Variants in KRT82 observed in about 807,000 individuals in gnomAD.
KRT82 encodes keratin, type II cuticular Hb2.
Under a neutral mutation model 48.0 loss-of-function variants are expected in KRT82, and 44 were observed. The observed-to-expected ratio is 0.92, with a 90% confidence interval of 0.72 to 1.18. The LOEUF (loss-of-function observed/expected upper bound fraction) is 1.18. Ranked by LOEUF, KRT82 falls within the 50% of genes most tolerant of loss-of-function variation. KRT82 has a pLI of 0.00. For missense variants in KRT82, 701 were observed against 671.4 expected (o/e 1.04, Z -0.49); for synonymous variants, 297 against 278.3 (o/e 1.07, Z -0.67).
rs916816791 is a variant in KRT82 at position 52,401,429 on chromosome 12, C to A, written c.621-80G>T. On this transcript the variant is annotated intron_variant, in intron 2 of 8. Coordinates refer to ENST00000257974, the MANE Select transcript of KRT82 (RefSeq NM_033033.4). ...GATCTTGGCATCAGGCCTTTGGGGGCAACTCTGCCTGTCACTGACTGAATG... is the reference window on the plus strand; with the variant it reads ...GATCTTGGCATCAGGCCTTTGGGGGAAACTCTGCCTGTCACTGACTGAATG... The A allele has an allele frequency of 6.0e-5, 83 of 1,391,728 alleles. No homozygotes were observed. In the Middle Eastern group the frequency reaches 1.1e-3, roughly 18 times the overall value. 86.2% of individuals were successfully genotyped at this position (1,391,728 alleles called of 1,614,324 possible).
At chr12:52,395,894 G>T in intron 7 of KRT82, 104 bp from the exon 8 acceptor site, 1 of 1,476,666 alleles carries the variant, frequency 6.8e-7, no homozygotes, top group Non-Finnish European at 9.2e-7. Flanking sequence ...GTGCTGCTGT[G>T]GGTTTTCAAT....
In KRT82 at chr12:52,394,519, T is replaced by C. The variant is rs2852473; in HGVS notation, c.*456A>G. On this transcript the variant is annotated 3_prime_UTR_variant, in exon 9 of 9. Coordinates refer to ENST00000257974, the MANE Select transcript of KRT82 (RefSeq NM_033033.4). Reference sequence around the variant, plus strand: ...GGGTGTCTCCTTTTGATATTTGCAGTGTGCATGTTTCAGGCGGTGTTAAAG... The same window carrying C: ...GGGTGTCTCCTTTTGATATTTGCAGCGTGCATGTTTCAGGCGGTGTTAAAG... 70,097 of 166,524 alleles carry C rather than the reference T, an allele frequency of 0.42. 15,742 individuals carry two copies. The highest frequency in any genetic ancestry group is 0.49 in the Non-Finnish European group (37,654 of 77,086). The allele number at this position is 166,524 out of a possible 1,614,324, so 10.3% of individuals were successfully genotyped here.
chr12:52,400,455 G>A (rs377080239), intron 4 of KRT82, 72 bp downstream of exon 4: 37 of 1,126,528 alleles, frequency 3.3e-5, no homozygotes, highest in South Asian at 5.0e-5. Flanking sequence ...CCCACTGGGC[G>A]GCCACTCTGC....
intron 4 of KRT82, 135 bp downstream of exon 4, chr12:52,400,392 C>T: frequency 1.4e-6 from 1 of 738,466 alleles, no homozygotes; most frequent in Non-Finnish European, 2.3e-6. Context: ...AGTCTCACCG[C>T]CTGAGAACGT....
At chr12:52,397,313 A>C (rs1939729372) in intron 5 of KRT82, among the ~76,000 whole-genome samples, 1 of 152,106 alleles carries the variant, frequency 6.6e-6, no homozygotes, top group African/African-American at 2.4e-5. Context: ...CCCAGAGCCC[A>C]AGTTCACCTG....
rs1409132921 is a variant in KRT82 at position 52,395,128 on chromosome 12, A to T, written c.1389T>A (p.Thr463=). ...AGCCCCCATTGCTCCTGAGGACGCC[A>T]GTGCTGAGGACAGGCGTGCTGACCC... ...PCGVSTPVLS[T]GVLRSNGGCS... The change falls in exon 9 of 9, where the codon ACT becomes ACA. Residue 463 remains threonine, a synonymous_variant. Transcript: ENST00000257974. 1.9e-6 allele frequency: 3 copies of T among 1,614,056 alleles called. No homozygotes were observed. The highest frequency in any genetic ancestry group is 2.5e-6 in the Non-Finnish European group (3 of 1,179,972).
chr12:52,405,496 GAAGGCGGTTCTACTGTT>G (rs1939839933), intron 1 of KRT82, among the ~76,000 whole-genome samples: 1 of 152,212 alleles, frequency 6.6e-6, no homozygotes. Context: ...CAGGCACACA[GAAGGCGGTTCTACTGTT>G]AAAGCCTCAT....
chr12:52,400,716 G>T, intron 3 of KRT82, 94 bp from the exon 4 acceptor site: 1 of 847,918 alleles, frequency 1.2e-6, no homozygotes, highest in South Asian at 1.4e-5. Context: ...CTTTCCTCAC[G>T]AACACCCATG....
chr12:52,401,450 G>T, intron 2 of KRT82, 101 bp from the exon 3 acceptor site: 2 of 1,173,252 alleles, frequency 1.7e-6, no homozygotes, highest in Non-Finnish European at 2.5e-6. Context: ...GTCACTGACT[G>T]AATGCCCTGG....
At position 52,396,111 on chromosome 12, in the gene KRT82, G is replaced by T. The variant is rs1301026239; in HGVS notation, c.1190C>A (p.Ala397Asp). The change falls in exon 7 of 9, where the codon GCC (alanine) becomes GAC (aspartate). Residue 397 changes from alanine (A) to aspartate (D), a missense_variant. Physicochemically the swap from Ala to Asp is moderately radical, Grantham distance 126. Coordinates refer to ENST00000257974, the MANE Select transcript of KRT82 (RefSeq NM_033033.4). ...CTCCTGATATTCCTTGAGCAGGCAG[G>T]CCATGTCCTGCTTGGCCTTCTGCAG... ...EALQKAKQDM[A>D]CLLKEYQEVM... The T allele has an allele frequency of 6.2e-7, 1 of 1,614,192 alleles. No individual in the cohort carries two copies. The highest frequency in any genetic ancestry group is 8.5e-7 in the Non-Finnish European group (1 of 1,180,036).
intron 5 of KRT82, among the ~76,000 whole-genome samples, chr12:52,398,349 T>C (rs1468388335): frequency 6.6e-6 from 1 of 152,128 alleles, no homozygotes; most frequent in Non-Finnish European, 1.5e-5. Flanking sequence ...ATGGAGCATG[T>C]ATTACAGATG....
At chr12:52,400,758 G>GAAAAAAAAAAA in intron 3 of KRT82, 136 bp from the exon 4 acceptor site, 1 of 636,568 alleles carries the variant, frequency 1.6e-6, no homozygotes, top group Admixed American at 2.7e-5. Context: ...CCGAGGTGGG[G>GAAAAAAAAAAA]AAAAAGGGGT....
At chr12:52,404,487 T>C (rs1028121944) in intron 1 of KRT82, among the ~76,000 whole-genome samples, 2 of 152,226 alleles carry the variant, frequency 1.3e-5, no homozygotes, top group African/African-American at 4.8e-5. Flanking sequence ...GGACAGCTGC[T>C]GGCCTCCTCC....
At chr12:52,398,767 T>C (rs1939748046) in intron 5 of KRT82, among the ~76,000 whole-genome samples, 1 of 152,158 alleles carries the variant, frequency 6.6e-6, no homozygotes, top group Admixed American at 6.5e-5. Context: ...GAGCATCACT[T>C]TGGGCACTCC....
rs762510631 is a variant in KRT82 at position 52,406,153 on chromosome 12, C to T, written c.125G>A (p.Gly42Asp). 1.1e-5 allele frequency: 17 copies of T among 1,612,964 alleles called. 1 individual carries two copies. The South Asian group carries it at 1.5e-4, about 15-fold the overall frequency. Reference protein sequence around the residue: ...AVSKGPCRPGGGRGLRALGCL... With the variant: ...AVSKGPCRPGDGRGLRALGCL... ...GCCCAGAGCTCGGAGGCCCCTACCA[C>T]CCCCGGGCCGGCATGGCCCCTTGCT... The change falls in exon 1 of 9, where the codon GGT becomes GAT. Residue 42 changes from glycine to aspartate, a missense_variant. Gly to Asp is a moderately conservative substitution (Grantham distance 94). Coordinates refer to ENST00000257974, the MANE Select transcript of KRT82 (RefSeq NM_033033.4).
intron 8 of KRT82, among the ~76,000 whole-genome samples, chr12:52,395,417 G>A (rs139009839): frequency 1.5e-4 from 23 of 152,232 alleles, no homozygotes; most frequent in Non-Finnish European, 2.9e-4. Flanking sequence ...GCAAGGCCAG[G>A]CTGGATTCAG....
At position 52,396,078 on chromosome 12, in the gene KRT82, T is replaced by C. The variant is rs1426076445; in HGVS notation, c.1223A>G (p.Asn408Ser). The part of the protein sequence containing the change: ...CLLKEYQEVM[N>S]SKLGLDIEIA... ...CTCGATGTCCAGGCCCAGCTTGGAGTTCATCACCTCCTGATATTCCTTGAG... is the reference window on the plus strand; with the variant it reads ...CTCGATGTCCAGGCCCAGCTTGGAGCTCATCACCTCCTGATATTCCTTGAG... The change falls in exon 7 of 9, where the codon AAC (asparagine) becomes AGC (serine). Residue 408 changes from asparagine (N) to serine (S), a missense_variant. Transcript: ENST00000257974. 1 of 1,613,830 alleles carries C rather than the reference T, an allele frequency of 6.2e-7. No individual in the cohort carries two copies. Among genetic ancestry groups the C allele is most frequent in the Non-Finnish European group, 8.5e-7 (1 of 1,179,996 alleles).
chr12:52,405,244 A>T (rs1176411814), intron 1 of KRT82, among the ~76,000 whole-genome samples: 1 of 151,832 alleles, frequency 6.6e-6, no homozygotes, highest in African/African-American at 2.4e-5. Flanking sequence ...TGTGCTGTAG[A>T]TGTGGGAATC....
chr12:52,401,188 G>T, intron 3 of KRT82, 101 bp downstream of exon 3: 1 of 957,668 alleles, frequency 1.0e-6, no homozygotes, highest in Non-Finnish European at 1.7e-6. Context: ...CTTTTTCAGA[G>T]TGGGTGGGCT....
Sources: gnomAD v4.1 joint callset for allele counts (sites outside exome capture counted in the v4.1 genomes callset) on GRCh38, gnomAD v4.1.1 for gene constraint, MANE v1.5 for transcripts, NCBI Gene and HGNC (gene_info 2026-07-23, HGNC 2026-07-21) for gene names.